Variants in RARB observed in about 807,000 individuals in gnomAD.
The protein encoded by RARB is HBV-activated protein.
A neutral mutation model predicts 51.9 loss-of-function variants in RARB; 17 were observed. That is an observed-to-expected ratio of 0.33 (90% CI 0.22 to 0.49). RARB has a LOEUF of 0.49. Among genes scored for constraint, RARB ranks in the 20% least tolerant of loss-of-function variants. RARB has a pLI of 0.99. For missense variants in RARB, 369 were observed against 550.8 expected (o/e 0.67, Z 3.30); for synonymous variants, 215 against 195.4 (o/e 1.10, Z -0.84).
intron 4 of RARB, among the ~76,000 whole-genome samples, chr3:25,169,215 G>GA (rs1700604775): frequency 6.6e-6 from 1 of 152,014 alleles, no homozygotes; most frequent in Admixed American, 6.5e-5. Flanking sequence ...CTACCCAACT[G>GA]AAAAAAGCCA....
At chr3:25,089,771 A>G (rs1312838870) in intron 3 of RARB, among the ~76,000 whole-genome samples, 1 of 152,148 alleles carries the variant, frequency 6.6e-6, no homozygotes. Flanking sequence ...AAGGAGTTTG[A>G]ACTGATAAAT....
intron 4 of RARB, among the ~76,000 whole-genome samples, chr3:25,170,454 G>T (rs1191261802): frequency 2.6e-5 from 4 of 152,182 alleles, no homozygotes; most frequent in African/African-American, 9.7e-5. Context: ...CTCCGGTGGG[G>T]CCTGGAGAAT....
chr3:25,241,854 A>G (rs1351468340), intron 5 of RARB, among the ~76,000 whole-genome samples: 1 of 152,216 alleles, frequency 6.6e-6, no homozygotes, highest in Non-Finnish European at 1.5e-5. Flanking sequence ...GTCAAATGGT[A>G]TTTCTAGTTC....
chr3:25,415,162 C>A (rs1559391037), intron 5 of RARB, among the ~76,000 whole-genome samples: 1 of 152,138 alleles, frequency 6.6e-6, no homozygotes, highest in Non-Finnish European at 1.5e-5. Flanking sequence ...TCATTTTATT[C>A]TTTTAGCAGA....
At chr3:24,978,798 T>C (rs1046731268) in intron 2 of RARB, among the ~76,000 whole-genome samples, 2 of 152,168 alleles carry the variant, frequency 1.3e-5, no homozygotes, top group African/African-American at 4.8e-5. Context: ...TGCTAGCTTT[T>C]GAATTTGTTT....
chr3:25,218,010 T>G (rs1340720672), intron 5 of RARB, among the ~76,000 whole-genome samples: 1 of 152,246 alleles, frequency 6.6e-6, no homozygotes, highest in Non-Finnish European at 1.5e-5. Context: ...TCTTTTTTGT[T>G]TTCATCTACA....
chr3:25,017,824 A>G (rs889126148), intron 2 of RARB, among the ~76,000 whole-genome samples: 8 of 152,122 alleles, frequency 5.3e-5, no homozygotes, highest in African/African-American at 1.7e-4. Context: ...CTACAAATTC[A>G]TATATTGAAA....
chr3:25,449,907 AC>A (rs1332044770), intron 1 of RARB, among the ~76,000 whole-genome samples: 1 of 151,890 alleles, frequency 6.6e-6, no homozygotes, highest in African/African-American at 2.4e-5. Context: ...GCACGCCACC[AC>A]AAATTTTTTT....
intron 1 of RARB, among the ~76,000 whole-genome samples, chr3:25,454,389 C>T (rs1365565093): frequency 2.0e-5 from 3 of 152,236 alleles, no homozygotes; most frequent in Non-Finnish European, 4.4e-5. Context: ...CCAAACGCAA[C>T]TTTGCTCTTC....
intron 5 of RARB, among the ~76,000 whole-genome samples, chr3:25,377,695 C>T (rs1469566114): frequency 6.6e-6 from 1 of 152,108 alleles, no homozygotes; most frequent in African/African-American, 2.4e-5. Flanking sequence ...CAAATTGGGT[C>T]ATGTTCCATT....
chr3:25,169,566 CAT>C (rs1654163864), intron 4 of RARB, among the ~76,000 whole-genome samples: 2 of 152,230 alleles, frequency 1.3e-5, no homozygotes, highest in African/African-American at 2.4e-5. Context: ...ATAATATAAA[CAT>C]AATGTAAATG....
chr3:25,578,745 G>A (rs1349877437), intron 4 of RARB, among the ~76,000 whole-genome samples: 4 of 152,292 alleles, frequency 2.6e-5, no homozygotes, highest in African/African-American at 4.8e-5. Context: ...GACCACCTTC[G>A]TTTTTACAGT....
At chr3:25,112,606 G>C (rs994496620) in intron 3 of RARB, among the ~76,000 whole-genome samples, 2 of 151,878 alleles carry the variant, frequency 1.3e-5, no homozygotes, top group Admixed American at 6.6e-5. Flanking sequence ...GGGAGACCTC[G>C]TCTCTACAAA....
chr3:25,208,544 T>TA (rs1461435173), intron 5 of RARB, among the ~76,000 whole-genome samples: 1 of 152,182 alleles, frequency 6.6e-6, no homozygotes, highest in Non-Finnish European at 1.5e-5. Flanking sequence ...TGTCTCATCC[T>TA]AAATATCAGT....
chr3:25,583,480 CAACAA>C (rs1287881878), intron 5 of RARB, among the ~76,000 whole-genome samples: 1 of 152,212 alleles, frequency 6.6e-6, no homozygotes, highest in Non-Finnish European at 1.5e-5. Flanking sequence ...TGTGGTCTCT[CAACAA>C]GACAAGGTAA....
intron 3 of RARB, among the ~76,000 whole-genome samples, chr3:25,503,299 T>TC (rs1438430080): frequency 5.3e-5 from 8 of 152,264 alleles, no homozygotes; most frequent in African/African-American, 1.4e-4. Context: ...CCTTCTGCTC[T>TC]AGTTTTGGTC....
chr3:25,122,628 T>C (rs555926050), intron 3 of RARB, among the ~76,000 whole-genome samples: 1 of 152,144 alleles, frequency 6.6e-6, no homozygotes, highest in Non-Finnish European at 1.5e-5. Context: ...TACTCTGATA[T>C]CACTTTCCTC....
At chr3:25,209,528 A>C (rs2125377049) in intron 5 of RARB, among the ~76,000 whole-genome samples, 1 of 152,320 alleles carries the variant, frequency 6.6e-6, no homozygotes, top group South Asian at 2.1e-4. Context: ...GCTTTTGTGA[A>C]CATTGTTAAA....
chr3:25,261,841 G>C (rs913837340), intron 5 of RARB, among the ~76,000 whole-genome samples: 2 of 151,852 alleles, frequency 1.3e-5, no homozygotes, highest in African/African-American at 4.8e-5. Context: ...TGTCTTATGG[G>C]GCACTATTCC....
Sources: gnomAD v4.1 joint callset for allele counts (sites outside exome capture counted in the v4.1 genomes callset) on GRCh38, gnomAD v4.1.1 for gene constraint, MANE v1.5 for transcripts, NCBI Gene and HGNC (gene_info 2026-07-23, HGNC 2026-07-21) for gene names.